The following COL4A1 variants were observed in gnomAD, a reference collection of about 807,000 sequenced individuals.
COL4A1 encodes the protein collagen alpha-1(IV) chain.
In COL4A1, 40 loss-of-function variants were observed where a neutral mutation model predicts 216.6. The observed-to-expected ratio is 0.18, with a 90% CI of 0.14 to 0.24. The LOEUF (loss-of-function observed/expected upper bound fraction) is 0.24, where lower values mean the gene tolerates loss of function less well. Ranked by LOEUF, COL4A1 falls within the 10% of genes least tolerant of loss-of-function variation. The probability of loss-of-function intolerance (pLI) is 1.00; values close to 1 mark genes in which losing one functional copy is unlikely to be tolerated. For missense variants in COL4A1, 1,628 were observed against 2,196.8 expected (o/e 0.74, Z 5.18); for synonymous variants, 839 against 810.7 (o/e 1.03, Z -0.59).
chr13:110,195,854 C>T (rs566417854), intron 21 of COL4A1, among the ~76,000 whole-genome samples: 56 of 152,320 alleles, frequency 3.7e-4, no homozygotes, highest in African/African-American at 1.3e-3. Context: ...AACACTCATG[C>T]ACCAGCACTG....
At chr13:110,267,610 C>CG (rs1185385915) in intron 1 of COL4A1, among the ~76,000 whole-genome samples, 1 of 152,184 alleles carries the variant, frequency 6.6e-6, no homozygotes, top group East Asian at 1.9e-4. Flanking sequence ...GCTCTGTACT[C>CG]TTCAGGTTTT....
intron 28 of COL4A1, among the ~76,000 whole-genome samples, chr13:110,181,644 AC>A (rs1878161998): frequency 6.6e-6 from 1 of 151,662 alleles, no homozygotes; most frequent in African/African-American, 2.4e-5. Flanking sequence ...CTCTCTTCAA[AC>A]TTTTCTTTCC....
rs760625067 is a variant in COL4A1, at chr13:110,293,197, C to T, written c.84+13747G>A. On this transcript the variant is annotated intron_variant, in intron 1 of 51. Transcript: ENST00000375820. ...CATGCAAATTAGCAAAGTCCCAAAG[C>T]TTAGGCAAACATGACCAAAGGTGTG... Among the ~76,000 whole-genome samples, 4 of 152,126 alleles carry T rather than the reference C, an allele frequency of 2.6e-5. No individual in the cohort carries two copies. The East Asian group carries it at 5.8e-4, about 22-fold the overall frequency.
intron 2 of COL4A1, among the ~76,000 whole-genome samples, chr13:110,217,479 G>A (rs569723811): frequency 5.3e-5 from 8 of 152,304 alleles, no homozygotes; most frequent in African/African-American, 1.9e-4. Context: ...TGTGCTCAAG[G>A]CAAGGTCCAA....
intron 23 of COL4A1, among the ~76,000 whole-genome samples, chr13:110,192,565 T>C (rs1017640853): frequency 6.6e-6 from 1 of 152,130 alleles, no homozygotes; most frequent in African/African-American, 2.4e-5. Flanking sequence ...ATGAATTCCA[T>C]TAACTGCTTG....
chr13:110,298,797 C>G (rs1884378480), intron 1 of COL4A1: 1 of 152,308 alleles, frequency 6.6e-6, no homozygotes, highest in Non-Finnish European at 1.5e-5. Flanking sequence ...GCGCATCCTG[C>G]CCAAGTGTGC....
At chr13:110,220,096 C>A (rs186310373) in intron 2 of COL4A1, among the ~76,000 whole-genome samples, 1 of 151,496 alleles carries the variant, frequency 6.6e-6, no homozygotes, top group African/African-American at 2.4e-5. Context: ...TGCCACCATG[C>A]GCCGCTAATT....
rs2139232578 is a variant in COL4A1 at position 110,231,449 on chromosome 13, C to T, written c.144+11226G>A. Among the ~76,000 whole-genome samples the T allele has an allele frequency of 1.3e-5, 2 of 152,354 alleles. 1 individual carries two copies. The highest frequency in any genetic ancestry group is 6.8e-3 in the Middle Eastern group (2 of 294). ...GAGCGGCTGCCTGAGCTTTTGGGGCCTGCGAATGACCGTTCGGTTTGCCCT... is the reference window on the plus strand; with the variant it reads ...GAGCGGCTGCCTGAGCTTTTGGGGCTTGCGAATGACCGTTCGGTTTGCCCT... On this transcript the variant is annotated intron_variant, in intron 2 of 51. Transcript: ENST00000375820.
In COL4A1 at chr13:110,174,014, C is replaced by G. The variant is rs1877761998; in HGVS notation, c.3407-16G>C. The G allele has an allele frequency of 3.7e-6, 6 of 1,613,670 alleles. No homozygotes were observed. The highest frequency in any genetic ancestry group is 1.3e-5 in the African/African-American group (1 of 75,062). Reference sequence around the variant, plus strand: ...CCAGGAAGACCTCAAAGAGAAAAGTCACATCAGACACCCGCATAACCTCTC... The same window carrying G: ...CCAGGAAGACCTCAAAGAGAAAAGTGACATCAGACACCCGCATAACCTCTC... On this transcript the variant is annotated splice_polypyrimidine_tract_variant and intron_variant, in intron 39 of 51. Coordinates refer to ENST00000375820, the MANE Select transcript of COL4A1 (RefSeq NM_001845.6).
intron 2 of COL4A1, among the ~76,000 whole-genome samples, chr13:110,228,779 AG>A (rs952512290): frequency 3.9e-5 from 6 of 152,354 alleles, no homozygotes; most frequent in Admixed American, 2.0e-4. Flanking sequence ...TAGTTAAGAA[AG>A]TCAGGCAAGA....
rs371959689 is a variant in COL4A1, at chr13:110,277,572, CG to C, written c.84+29371del. ...GTCTGCACTCTGCTCTCAAATCTCTCGGAACTGCTGTTCGGGTGATGGGCAT... is the reference window on the plus strand; with the variant it reads ...GTCTGCACTCTGCTCTCAAATCTCTCGAACTGCTGTTCGGGTGATGGGCAT... On this transcript the variant is annotated intron_variant, in intron 1 of 51. Coordinates refer to ENST00000375820, the MANE Select transcript of COL4A1 (RefSeq NM_001845.6). 4.7e-3 allele frequency among the ~76,000 whole-genome samples: 716 copies of C among 152,304 alleles called. 4 individuals carry two copies. The highest frequency in any genetic ancestry group is 0.016 in the African/African-American group (669 of 41,572).
At position 110,166,322 on chromosome 13, in the gene COL4A1, C is replaced by A. The variant is rs763723729; in HGVS notation, c.3950-19G>T. On this transcript the variant is annotated intron_variant, in intron 44 of 51. Coordinates refer to ENST00000375820, the MANE Select transcript of COL4A1 (RefSeq NM_001845.6). ...TTTGGACCTAAAAGCAGAGGGAAAG[C>A]ACTGTCTTGCACAGAATTCCCAATG... The A allele has an allele frequency of 1.3e-6, 2 of 1,481,884 alleles. No homozygotes were observed. The highest frequency in any genetic ancestry group is 1.9e-6 in the Non-Finnish European group (2 of 1,059,656). 91.8% of individuals were successfully genotyped at this position (1,481,884 alleles called of 1,614,324 possible).
chr13:110,263,866 T>C (rs669398), intron 1 of COL4A1, among the ~76,000 whole-genome samples: 12,002 of 152,282 alleles, frequency 0.079, 716 homozygotes, highest in East Asian at 0.32. Context: ...TAAAAATGAA[T>C]TCCTCATTGT....
intron 30 of COL4A1, 65 bp downstream of exon 30, chr13:110,179,206 C>T (rs1265155865): frequency 1.9e-6 from 3 of 1,602,242 alleles, no homozygotes; most frequent in Non-Finnish European, 1.7e-6. Flanking sequence ...GGTAGGGGCT[C>T]TGGGAATGCA....
chr13:110,181,447 G>T, intron 28 of COL4A1, 58 bp from the exon 29 acceptor site: 1 of 1,458,190 alleles, frequency 6.9e-7, no homozygotes, highest in East Asian at 2.4e-5. Context: ...TTACAATGCC[G>T]TTCCCCACTT....
chr13:110,249,250 G>A (rs767657962), intron 1 of COL4A1, among the ~76,000 whole-genome samples: 6 of 152,034 alleles, frequency 3.9e-5, no homozygotes, highest in South Asian at 2.1e-4. Context: ...TGCTTGTTGC[G>A]GGCGGTGACT....
At chr13:110,299,773 G>A (rs778938460) in intron 1 of COL4A1, among the ~76,000 whole-genome samples, 4 of 152,152 alleles carry the variant, frequency 2.6e-5, no homozygotes, top group African/African-American at 7.2e-5. Context: ...CAGACTAATC[G>A]TAGGGTCCTT....
Position 110,211,855 on chromosome 13 carries a change from T to A in COL4A1, c.441+14A>T. On this transcript the variant is annotated intron_variant, in intron 7 of 51. Coordinates refer to ENST00000375820, the MANE Select transcript of COL4A1 (RefSeq NM_001845.6). This position sits in a 1 kb window ranked among gnomAD's most constrained non-coding sequence, Gnocchi z 4.3. ...TAAAAGAAAGAAGTTCTGCCCTAAA[T>A]AACCTCTACTCACGGGATTTCCAGC... is the stretch of plus-strand genomic sequence containing the variant. The A allele has an allele frequency of 6.2e-7, 1 of 1,613,938 alleles. No individual in the cohort carries two copies. Among genetic ancestry groups the A allele is most frequent in the Non-Finnish European group, 8.5e-7 (1 of 1,179,886 alleles).
intron 1 of COL4A1, among the ~76,000 whole-genome samples, chr13:110,282,272 G>C (rs996692082): frequency 3.3e-5 from 5 of 152,152 alleles, no homozygotes; most frequent in Admixed American, 3.3e-4. Flanking sequence ...CAATAAAATG[G>C]GAGTAAGACA....
Sources: gnomAD v4.1 joint callset for allele counts (sites outside exome capture counted in the v4.1 genomes callset) on GRCh38, gnomAD v4.1.1 for gene constraint, Gnocchi (gnomAD v3.1) non-coding constraint, MANE v1.5 for transcripts, NCBI Gene and HGNC (gene_info 2026-07-23, HGNC 2026-07-21) for gene names.